Variants in MYO3B observed in about 807,000 individuals in gnomAD.
MYO3B encodes myosin IIIB, also known as myosin-IIIb.
Under a neutral mutation model 174.6 loss-of-function variants are expected in MYO3B, and 156 were observed. That is an observed-to-expected ratio of 0.89 (90% CI 0.78 to 1.02). The LOEUF is 1.02. MYO3B is among the 50% of genes least tolerant of loss of function. The probability of loss-of-function intolerance (pLI) is 0.00; values close to 1 mark genes in which losing one functional copy is unlikely to be tolerated. For synonymous variants in MYO3B, 563 were observed against 569.1 expected, an observed-to-expected ratio of 0.99 and a Z score of 0.15; for missense variants, 1,632 against 1,639.4, an observed-to-expected ratio of 1.00 and a Z score of 0.08.
intron 7 of MYO3B, among the ~76,000 whole-genome samples, chr2:170,330,490 G>T (rs2093904113): frequency 6.6e-6 from 1 of 152,134 alleles, no homozygotes; most frequent in South Asian, 2.1e-4. Context: ...TTCTTCACTT[G>T]TGAAACTGGA....
intron 1 of MYO3B, among the ~76,000 whole-genome samples, chr2:170,182,959 TA>T (rs1388853236): frequency 2.0e-5 from 3 of 146,970 alleles, no homozygotes; most frequent in East Asian, 2.2e-4. Context: ...GTCAAATTCT[TA>T]AAAAAAAACA....
chr2:170,251,732 A>C (rs2093255699), intron 7 of MYO3B, among the ~76,000 whole-genome samples: 1 of 152,176 alleles, frequency 6.6e-6, no homozygotes, highest in South Asian at 2.1e-4. Context: ...TAAGACAATA[A>C]ATTTCTGTTT....
intron 7 of MYO3B, among the ~76,000 whole-genome samples, chr2:170,276,348 A>G (rs2093463793): frequency 1.3e-5 from 2 of 152,192 alleles, no homozygotes; most frequent in South Asian, 4.1e-4. Flanking sequence ...AAGCTATATT[A>G]TCTCTGGCCT....
At position 170,507,478 on chromosome 2, in the gene MYO3B, C is replaced by A. The variant is rs532323675; in HGVS notation, c.3370+5613C>A. ...GCAATGGTGCGTTCTTGGCTCACTG[C>A]AATCTCCCCTTCCTGAGTTCAAGGG... is the stretch of plus-strand genomic sequence containing the variant. On this transcript the variant is annotated intron_variant, in intron 28 of 34. Coordinates refer to ENST00000408978, the MANE Select transcript of MYO3B (RefSeq NM_138995.5). Among the ~76,000 whole-genome samples the A allele has an allele frequency of 6.6e-5, 10 of 152,240 alleles. No individual in the cohort carries two copies. The South Asian group carries it at 2.1e-3, about 32-fold the overall frequency.
chr2:170,519,793 C>T (rs910048533), intron 30 of MYO3B: 1 of 329,434 alleles, frequency 3.0e-6, no homozygotes, highest in African/African-American at 2.2e-5. Context: ...GCCCACATGG[C>T]AAAACCCCGC....
At chr2:170,285,667 G>A (rs2093550721) in intron 7 of MYO3B, among the ~76,000 whole-genome samples, 1 of 151,996 alleles carries the variant, frequency 6.6e-6, no homozygotes, top group South Asian at 2.1e-4. Context: ...GCTCAGCTGT[G>A]ACCTATCTTT....
intron 19 of MYO3B, among the ~76,000 whole-genome samples, chr2:170,403,778 G>C (rs1234301202): frequency 6.6e-6 from 1 of 152,168 alleles, no homozygotes; most frequent in East Asian, 1.9e-4. Flanking sequence ...GGATAAATCT[G>C]TATAGCACTC....
At position 170,206,032 on chromosome 2, in the gene MYO3B, G is replaced by A. The variant is rs1377966854; in HGVS notation, c.321+5748G>A. Among the ~76,000 whole-genome samples the A allele has an allele frequency of 1.3e-5, 2 of 151,868 alleles. No individual in the cohort carries two copies. On this transcript the variant is annotated intron_variant, in intron 3 of 34. Transcript: ENST00000408978. This position sits in a 1 kb window ranked among gnomAD's most constrained non-coding sequence, Gnocchi z 4.3. ...GCATACCTGTCATTCCCTGTCATTG[G>A]CCTTCCTCCTCCATCTCCCTGCCCC...
chr2:170,465,821 C>A (rs1446373776), intron 24 of MYO3B, among the ~76,000 whole-genome samples: 2 of 152,084 alleles, frequency 1.3e-5, no homozygotes, highest in Non-Finnish European at 2.9e-5. Context: ...AACTGAGTTC[C>A]TTTGGCTTAT....
intron 1 of MYO3B, among the ~76,000 whole-genome samples, chr2:170,178,743 C>A (rs563862480): frequency 1.3e-5 from 2 of 152,262 alleles, no homozygotes; most frequent in South Asian, 4.1e-4. Flanking sequence ...ATGTTTTTCA[C>A]CCAAGAGAGG....
intron 32 of MYO3B, among the ~76,000 whole-genome samples, chr2:170,579,765 C>G (rs1275064619): frequency 1.3e-5 from 2 of 152,242 alleles, no homozygotes; most frequent in East Asian, 3.8e-4. Flanking sequence ...TTGGCACTAC[C>G]TCCAGAGCCT....
chr2:170,349,926 G>A (rs1428182162), intron 8 of MYO3B: 1 of 152,098 alleles, frequency 6.6e-6, no homozygotes, highest in African/African-American at 2.4e-5. Context: ...TGATAAGGAA[G>A]AGAATAAGGG....
At position 170,502,691 on chromosome 2, in the gene MYO3B, G is replaced by A. The variant is rs144914623; in HGVS notation, c.3370+826G>A. Among the ~76,000 whole-genome samples, 347 of 152,276 alleles carry A rather than the reference G, an allele frequency of 2.3e-3. 3 individuals are homozygous for A. The highest frequency in any genetic ancestry group is 8.1e-3 in the African/African-American group (336 of 41,556). ...GAAGAAACAGGCCCCTGAGCTCCAGGAGCCACAAGAAATTAGAGACAGAAT... is the reference window on the plus strand; with the variant it reads ...GAAGAAACAGGCCCCTGAGCTCCAGAAGCCACAAGAAATTAGAGACAGAAT... On this transcript the variant is annotated intron_variant, in intron 28 of 34. Transcript: ENST00000408978.
rs372265423 is a variant in MYO3B at position 170,401,680 on chromosome 2, C to T, written c.2118C>T (p.Asp706=). ...GCATTAATACACTCCTGCAGCCAGA[C>T]GAAAACATATGGCAAGTTCCTCGGA... ...VNRINTLLQP[D]ENICSAGGGM... is the part of the protein sequence containing the mutation. The change falls in exon 18 of 35, where the codon GAC becomes GAT. Residue 706 remains aspartate, a synonymous_variant. Transcript: ENST00000408978. 1.4e-5 allele frequency: 22 copies of T among 1,613,510 alleles called. No individual in the cohort carries two copies. The highest frequency in any genetic ancestry group is 2.7e-5 in the African/African-American group (2 of 74,906).
intron 7 of MYO3B, among the ~76,000 whole-genome samples, chr2:170,299,035 A>G (rs1559368996): frequency 2.6e-5 from 4 of 152,186 alleles, no homozygotes; most frequent in Non-Finnish European, 4.4e-5. Flanking sequence ...AGTATATTCT[A>G]TGATGTTCAC....
rs188241013 is a variant in MYO3B, at chr2:170,368,477, T to G, written c.816-745T>G. On this transcript the variant is annotated intron_variant, in intron 8 of 34. Transcript: ENST00000408978. Reference sequence around the variant, plus strand: ...GAATAACACAGAAGGTGCAGCAAAATGTACTGAATCATTGCTTTGAAAAGG... The same window carrying G: ...GAATAACACAGAAGGTGCAGCAAAAGGTACTGAATCATTGCTTTGAAAAGG... Among the ~76,000 whole-genome samples, 511 of 152,342 alleles carry G rather than the reference T, an allele frequency of 3.4e-3. 3 individuals are homozygous for G. The highest frequency in any genetic ancestry group is 0.012 in the African/African-American group (484 of 41,578).
intron 25 of MYO3B, among the ~76,000 whole-genome samples, chr2:170,496,858 G>A (rs1435249459): frequency 6.6e-6 from 1 of 151,954 alleles, no homozygotes; most frequent in African/African-American, 2.4e-5. Context: ...GAACTCTTGG[G>A]CTTAAGTGAT....
In MYO3B at chr2:170,197,034, A is replaced by T. The variant is rs541375396; in HGVS notation, c.3-2174A>T. Among the ~76,000 whole-genome samples, 539 of 131,246 alleles carry T rather than the reference A, an allele frequency of 4.1e-3. 1 individual carries two copies. The highest frequency in any genetic ancestry group is 5.4e-3 in the Non-Finnish European group (314 of 58,044). The allele number at this position is 131,246 out of a possible 152,430, so 86.1% of individuals were successfully genotyped here. ...TCTTTTCAGGTTTTTTTTTTTTTTT[A>T]AACATGTCTGACACCTGGCTCCACC... On this transcript the variant is annotated intron_variant, in intron 1 of 34. Transcript: ENST00000408978.
At chr2:170,581,195 T>A (rs568970416) in intron 32 of MYO3B, among the ~76,000 whole-genome samples, 1 of 152,306 alleles carries the variant, frequency 6.6e-6, no homozygotes, top group East Asian at 1.9e-4. Flanking sequence ...AATTTCCAGA[T>A]TAAAAAAATA....
Sources: allele counts gnomAD v4.1 joint callset (sites outside exome capture counted in the v4.1 genomes callset), GRCh38; gene constraint gnomAD v4.1.1; non-coding constraint Gnocchi (gnomAD v3.1); transcripts MANE v1.5; gene names NCBI Gene and HGNC (gene_info 2026-07-23, HGNC 2026-07-21).